The following MYO1D variants were observed in gnomAD, a reference collection of about 807,000 sequenced individuals.
MYO1D encodes myosin ID, also known as unconventional myosin-Id.
A neutral mutation model predicts 122.0 loss-of-function variants in MYO1D; 83 were observed. The observed-to-expected ratio is 0.68, with a 90% CI of 0.57 to 0.82. MYO1D has a LOEUF of 0.82. Among genes scored for constraint, MYO1D ranks in the 40% least tolerant of loss-of-function variants. The pLI is 0.00. For missense variants in MYO1D, 1,157 were observed against 1,269.5 expected, an observed-to-expected ratio of 0.91 and a Z score of 1.35; for synonymous variants, 464 against 446.9, an observed-to-expected ratio of 1.04 and a Z score of -0.48.
At position 32,494,834 on chromosome 17, in the gene MYO1D, C is replaced by T. The variant is rs1292735857; in HGVS notation, c.2946G>A (p.Glu982=). ...LHGKKCTVSV[E]TRLNQPQPDF... ...CGGGCTGGGGCTGGTTGAGCCGCGTCTCCACGGAGACGGTGCACTTCTTCC... is the reference window on the plus strand; with the variant it reads ...CGGGCTGGGGCTGGTTGAGCCGCGTTTCCACGGAGACGGTGCACTTCTTCC... Residue 982 remains glutamate (E), a synonymous_variant, in exon 22 of 22, where the codon GAG becomes GAA. Coordinates refer to ENST00000318217, the MANE Select transcript of MYO1D (RefSeq NM_015194.3). 3 of 1,613,984 alleles carry T rather than the reference C, an allele frequency of 1.9e-6. No individual in the cohort carries two copies. Among genetic ancestry groups the T allele is most frequent in the East Asian group, 2.2e-5 (1 of 44,864 alleles).
At chr17:32,714,229 C>T (rs1283096185) in intron 15 of MYO1D, among the ~76,000 whole-genome samples, 2 of 151,706 alleles carry the variant, frequency 1.3e-5, no homozygotes, top group Admixed American at 6.6e-5. Context: ...CTCCCACCCC[C>T]ACCCCAACAG....
At chr17:32,803,773 C>A (rs2090481349) in intron 1 of MYO1D, among the ~76,000 whole-genome samples, 1 of 152,170 alleles carries the variant, frequency 6.6e-6, no homozygotes, top group Non-Finnish European at 1.5e-5. Flanking sequence ...CTCTTGCTGG[C>A]AAGGATTGAT....
intron 21 of MYO1D, among the ~76,000 whole-genome samples, chr17:32,526,738 G>A (rs770737779): frequency 6.6e-6 from 1 of 152,064 alleles, no homozygotes; most frequent in Non-Finnish European, 1.5e-5. Flanking sequence ...CTGCAGCCCC[G>A]ACCTCCTGAG....
chr17:32,828,442 G>C (rs933796393), intron 1 of MYO1D, among the ~76,000 whole-genome samples: 2 of 149,200 alleles, frequency 1.3e-5, no homozygotes, highest in African/African-American at 4.9e-5. Context: ...CGTGAACCAG[G>C]GAGGCGGAGC....
intron 21 of MYO1D, among the ~76,000 whole-genome samples, chr17:32,515,642 C>A (rs375507733): frequency 6.6e-6 from 1 of 152,106 alleles, no homozygotes; most frequent in Admixed American, 6.6e-5. Context: ...TTGGGGCTGA[C>A]GACATAGTTC....
At chr17:32,864,861 A>G (rs1264810097) in intron 1 of MYO1D, among the ~76,000 whole-genome samples, 1 of 152,186 alleles carries the variant, frequency 6.6e-6, no homozygotes, top group Non-Finnish European at 1.5e-5. Flanking sequence ...GGGAGATAAG[A>G]CTTTGTCTTG....
chr17:32,662,375 C>T (rs1446473615), intron 16 of MYO1D, among the ~76,000 whole-genome samples: 1 of 152,172 alleles, frequency 6.6e-6, no homozygotes, highest in Non-Finnish European at 1.5e-5. Context: ...CCTGGTCCCA[C>T]TCTTAAGAGC....
At chr17:32,500,852 C>CA (rs367830708) in intron 21 of MYO1D, among the ~76,000 whole-genome samples, 2 of 151,892 alleles carry the variant, frequency 1.3e-5, no homozygotes, top group Non-Finnish European at 1.5e-5. Context: ...TAGAAATACA[C>CA]AAAAAAATTA....
chr17:32,868,681 C>T (rs1247008882), intron 1 of MYO1D, among the ~76,000 whole-genome samples: 3 of 152,094 alleles, frequency 2.0e-5, no homozygotes, highest in Non-Finnish European at 2.9e-5. Context: ...CAGGCACTTG[C>T]TGAACATGTG....
chr17:32,772,502 G>A (rs1261321750), intron 5 of MYO1D, among the ~76,000 whole-genome samples: 2 of 152,190 alleles, frequency 1.3e-5, no homozygotes, highest in Non-Finnish European at 1.5e-5. Context: ...AGCTTTCACA[G>A]TCATTAAAGT....
At chr17:32,758,067 G>T (rs1270347215) in intron 10 of MYO1D, among the ~76,000 whole-genome samples, 17 of 152,096 alleles carry the variant, frequency 1.1e-4, no homozygotes, top group Non-Finnish European at 8.8e-5. Flanking sequence ...GAAATGGGCT[G>T]TGGAAAAAAA....
At chr17:32,857,645 T>A (rs1211733743) in intron 1 of MYO1D, among the ~76,000 whole-genome samples, 1 of 151,644 alleles carries the variant, frequency 6.6e-6, no homozygotes. Flanking sequence ...TCACCGTCCC[T>A]GAACATGTCA....
intron 21 of MYO1D, among the ~76,000 whole-genome samples, chr17:32,551,678 T>C (rs977987920): frequency 2.6e-5 from 4 of 152,140 alleles, no homozygotes; most frequent in African/African-American, 9.7e-5. Flanking sequence ...TAAAACATTT[T>C]GCTCTTCCCG....
intron 21 of MYO1D, among the ~76,000 whole-genome samples, chr17:32,550,510 TC>T (rs1244144733): frequency 6.6e-6 from 1 of 152,238 alleles, no homozygotes; most frequent in Non-Finnish European, 1.5e-5. Context: ...AGCAAAATTT[TC>T]CACAGCTAAT....
At chr17:32,845,426 G>C (rs2090927339) in intron 1 of MYO1D, among the ~76,000 whole-genome samples, 1 of 152,110 alleles carries the variant, frequency 6.6e-6, no homozygotes, top group African/African-American at 2.4e-5. Flanking sequence ...AAGATAGAGT[G>C]CCATAATATT....
intron 1 of MYO1D, among the ~76,000 whole-genome samples, chr17:32,844,796 C>G (rs1204898862): frequency 2.0e-5 from 3 of 151,830 alleles, no homozygotes. Flanking sequence ...GTGCATGTAC[C>G]ATATAATAAT....
intron 1 of MYO1D, among the ~76,000 whole-genome samples, chr17:32,790,813 C>A (rs905303017): frequency 2.0e-5 from 3 of 152,232 alleles, no homozygotes; most frequent in South Asian, 4.1e-4. Flanking sequence ...TATGCACACA[C>A]ACACATTTCC....
intron 21 of MYO1D, among the ~76,000 whole-genome samples, chr17:32,596,539 T>G (rs1200375361): frequency 6.6e-6 from 1 of 152,232 alleles, no homozygotes; most frequent in Non-Finnish European, 1.5e-5. Flanking sequence ...GGTCTCCCCA[T>G]GGCTCTAAGT....
intron 1 of MYO1D, among the ~76,000 whole-genome samples, chr17:32,828,755 G>C (rs1379103107): frequency 6.6e-6 from 1 of 152,178 alleles, no homozygotes; most frequent in African/African-American, 2.4e-5. Flanking sequence ...TTGAATGCCT[G>C]CTTCGTGCTA....
Sources: allele counts gnomAD v4.1 joint callset (sites outside exome capture counted in the v4.1 genomes callset), GRCh38; gene constraint gnomAD v4.1.1; transcripts MANE v1.5; gene names NCBI Gene and HGNC (gene_info 2026-07-23, HGNC 2026-07-21).